The following SPAG16 variants were observed in gnomAD, a reference collection of about 807,000 sequenced individuals.
SPAG16 encodes sperm-associated antigen 16 protein.
In SPAG16, 86 loss-of-function variants were observed where a neutral mutation model predicts 80.4. That is an observed-to-expected ratio of 1.07 (90% CI 0.90 to 1.28). The LOEUF (loss-of-function observed/expected upper bound fraction) is 1.28, where lower values mean the gene tolerates loss of function less well. Among genes scored for constraint, SPAG16 ranks in the 50% most tolerant of loss-of-function variants. The probability of loss-of-function intolerance (pLI) is 0.00; values close to 1 mark genes in which losing one functional copy is unlikely to be tolerated. For missense variants in SPAG16, 870 were observed against 765.3 expected, an observed-to-expected ratio of 1.14 and a Z score of -1.61; for synonymous variants, 294 against 265.9, an observed-to-expected ratio of 1.11 and a Z score of -1.03.
rs112345247 is a variant in SPAG16, at chr2:213,819,217, C to T, written c.1071-43268C>T. On this transcript the variant is annotated intron_variant, in intron 10 of 15. Coordinates refer to ENST00000331683, the MANE Select transcript of SPAG16 (RefSeq NM_024532.5). Reference sequence around the variant, plus strand: ...GGCCCTACAAAGTATAGTATCTGAACGCCCAATTCCAATCAGAGAGTTTTG... The same window carrying T: ...GGCCCTACAAAGTATAGTATCTGAATGCCCAATTCCAATCAGAGAGTTTTG... Among the ~76,000 whole-genome samples, 1,455 of 152,272 alleles carry T rather than the reference C, an allele frequency of 9.6e-3. 19 individuals carry two copies. The highest frequency in any genetic ancestry group is 0.034 in the African/African-American group (1,394 of 41,548).
chr2:214,165,007 T>G (rs1398080618), intron 15 of SPAG16, among the ~76,000 whole-genome samples: 1 of 152,154 alleles, frequency 6.6e-6, no homozygotes, highest in Non-Finnish European at 1.5e-5. Context: ...TTTGCTACTT[T>G]CTAGTTCCAC....
intron 15 of SPAG16, among the ~76,000 whole-genome samples, chr2:214,389,286 T>C (rs1337690104): frequency 6.6e-6 from 1 of 152,148 alleles, no homozygotes; most frequent in Non-Finnish European, 1.5e-5. Context: ...GAAAAAAATG[T>C]TTTTCAAAAT....
intron 3 of SPAG16, among the ~76,000 whole-genome samples, chr2:213,299,352 G>C (rs2062630335): frequency 6.6e-6 from 1 of 151,044 alleles, no homozygotes; most frequent in South Asian, 2.1e-4. Context: ...GCCCAGGCTG[G>C]AGTCCAGTGG....
chr2:213,802,238 G>T (rs1445449490), intron 10 of SPAG16, among the ~76,000 whole-genome samples: 2 of 152,204 alleles, frequency 1.3e-5, no homozygotes, highest in Non-Finnish European at 2.9e-5. Flanking sequence ...TCTGTGGTCA[G>T]AAGATAGGGA....
At chr2:213,888,662 T>C (rs1241500028) in intron 11 of SPAG16, among the ~76,000 whole-genome samples, 2 of 151,894 alleles carry the variant, frequency 1.3e-5, no homozygotes, top group Non-Finnish European at 2.9e-5. Flanking sequence ...CAGATGTTTT[T>C]CTAAGGCAAA....
rs147054032 is a variant in SPAG16, at chr2:214,172,468, T to G, written c.1720+23202T>G. Reference sequence around the variant, plus strand: ...GCACTGCATAGTATTCCATGGTGTATATGTGCCACATTTTCTTAATACAGT... The same window carrying G: ...GCACTGCATAGTATTCCATGGTGTAGATGTGCCACATTTTCTTAATACAGT... On this transcript the variant is annotated intron_variant, in intron 15 of 15. Transcript: ENST00000331683. 4.2e-3 allele frequency among the ~76,000 whole-genome samples: 633 copies of G among 152,290 alleles called. 3 individuals carry two copies. Among genetic ancestry groups the G allele is most frequent in the African/African-American group, 0.014 (588 of 41,558 alleles).
intron 10 of SPAG16, among the ~76,000 whole-genome samples, chr2:213,776,832 C>CCA (rs1553628622): frequency 4.1e-5 from 5 of 121,368 alleles, no homozygotes. Context: ...TGCCACCCCC[C>CCA]CCCCACCCCA....
intron 15 of SPAG16, among the ~76,000 whole-genome samples, chr2:214,306,007 A>G (rs1694882651): frequency 1.3e-5 from 2 of 152,134 alleles, no homozygotes; most frequent in African/African-American, 2.4e-5. Flanking sequence ...TCTATCCATG[A>G]TCATGGAATG....
intron 10 of SPAG16, among the ~76,000 whole-genome samples, chr2:213,519,079 T>C (rs1433743923): frequency 4.6e-5 from 7 of 152,168 alleles, no homozygotes; most frequent in Admixed American, 2.0e-4. Context: ...GGTGGGGGGT[T>C]AGGTCAAAAA....
At chr2:213,758,515 T>C (rs1325924472) in intron 10 of SPAG16, among the ~76,000 whole-genome samples, 1 of 151,390 alleles carries the variant, frequency 6.6e-6, no homozygotes, top group African/African-American at 2.4e-5. Flanking sequence ...TCACAAGAAG[T>C]TAAAAAAAAT....
chr2:213,417,220 A>C (rs2069310577), intron 9 of SPAG16, among the ~76,000 whole-genome samples: 1 of 152,214 alleles, frequency 6.6e-6, no homozygotes, highest in Non-Finnish European at 1.5e-5. Context: ...ACACACACAC[A>C]CAATACAAGG....
intron 8 of SPAG16, among the ~76,000 whole-genome samples, chr2:213,374,793 GTATT>G (rs911448280): frequency 9.2e-5 from 14 of 152,040 alleles, no homozygotes; most frequent in Admixed American, 3.3e-4. Flanking sequence ...GGCTCACCAT[GTATT>G]TAATTAACCT....
chr2:213,631,583 T>G (rs1273875197), intron 10 of SPAG16, among the ~76,000 whole-genome samples: 1 of 152,168 alleles, frequency 6.6e-6, no homozygotes, highest in African/African-American at 2.4e-5. Flanking sequence ...GAGATCTAGT[T>G]TTTTGAAAGT....
chr2:213,460,195 G>C (rs984831083), intron 9 of SPAG16, among the ~76,000 whole-genome samples: 4 of 151,842 alleles, frequency 2.6e-5, no homozygotes, highest in Non-Finnish European at 5.9e-5. Context: ...TCCATACTCT[G>C]TCTGTAAAGA....
chr2:213,741,247 A>G (rs1342057960), intron 10 of SPAG16, among the ~76,000 whole-genome samples: 2 of 152,214 alleles, frequency 1.3e-5, no homozygotes, highest in African/African-American at 2.4e-5. Flanking sequence ...TTTTCTATGT[A>G]TAAGTATATT....
chr2:214,002,126 A>G (rs1452239565), intron 12 of SPAG16, among the ~76,000 whole-genome samples: 1 of 151,932 alleles, frequency 6.6e-6, no homozygotes, highest in African/African-American at 2.4e-5. Flanking sequence ...TCCCTGATTC[A>G]ATCATCTCCC....
chr2:213,303,947 G>C (rs978118310), intron 3 of SPAG16, among the ~76,000 whole-genome samples: 5 of 151,860 alleles, frequency 3.3e-5, no homozygotes, highest in Non-Finnish European at 7.4e-5. Flanking sequence ...TAGTTTTTTT[G>C]GGGAACATCT....
At chr2:213,947,333 C>T (rs1049728603) in intron 12 of SPAG16, among the ~76,000 whole-genome samples, 2 of 152,290 alleles carry the variant, frequency 1.3e-5, no homozygotes, top group East Asian at 1.9e-4. Flanking sequence ...AATCCAGTTT[C>T]TCTGCATCCT....
chr2:213,488,228 AT>A (rs1002155438), intron 9 of SPAG16, among the ~76,000 whole-genome samples: 5 of 152,216 alleles, frequency 3.3e-5, no homozygotes, highest in African/African-American at 7.2e-5. Context: ...GAAAGAATGG[AT>A]TTTTTTAAGT....
Sources: gnomAD v4.1 joint callset for allele counts (sites outside exome capture counted in the v4.1 genomes callset) on GRCh38, gnomAD v4.1.1 for gene constraint, MANE v1.5 for transcripts, NCBI Gene and HGNC (gene_info 2026-07-23, HGNC 2026-07-21) for gene names.